The following TACC2 variants were observed in gnomAD, a reference collection of about 807,000 sequenced individuals.
TACC2 encodes transforming acidic coiled-coil containing protein 2, also known as transforming acidic coiled-coil-containing protein 2.
TACC2 carries 137 observed loss-of-function variants against 227.3 expected under a neutral mutation model. The ratio of observed to expected loss-of-function variants is 0.60; its 90% confidence interval spans 0.52 to 0.69. The LOEUF is 0.69. Among genes scored for constraint, TACC2 ranks in the 30% least tolerant of loss-of-function variants. TACC2 has a pLI of 0.00. For synonymous variants in TACC2, 1,523 were observed against 1,487.5 expected, an observed-to-expected ratio of 1.02 and a Z score of -0.55; for missense variants, 3,470 against 3,694.4, an observed-to-expected ratio of 0.94 and a Z score of 1.57.
chr10:122,174,374 C>T (rs925979222), intron 7 of TACC2, among the ~76,000 whole-genome samples: 1 of 152,198 alleles, frequency 6.6e-6, no homozygotes, highest in Admixed American at 6.5e-5. Flanking sequence ...CGCAGACCTG[C>T]CCTAGGTTTC....
In TACC2 at chr10:122,175,444, T is replaced by TCAGAAA. The variant is rs529097201; in HGVS notation, c.5835-19593_5835-19588dup. Among the ~76,000 whole-genome samples the TCAGAAA allele has an allele frequency of 2.2e-4, 33 of 152,330 alleles. No homozygotes were observed. In the South Asian group the frequency reaches 6.2e-3, roughly 29 times the overall value. Reference sequence around the variant, plus strand: ...AACCCCTTCATTCCCGTGCTAATCCTCAGAAACAAACCTGCCCAGACCCCG... The same window carrying TCAGAAA: ...AACCCCTTCATTCCCGTGCTAATCCTCAGAAACAGAAACAAACCTGCCCAGACCCCG... On this transcript the variant is annotated intron_variant, in intron 7 of 22. Coordinates refer to ENST00000369005, the MANE Select transcript of TACC2 (RefSeq NM_206862.4).
chr10:122,167,266 T>C (rs949018699), intron 7 of TACC2, among the ~76,000 whole-genome samples: 18 of 152,204 alleles, frequency 1.2e-4, no homozygotes, highest in African/African-American at 4.3e-4. Context: ...TGTAGACCTG[T>C]GGATCGAAGT....
chr10:122,232,728 G>T (rs1046001347), intron 16 of TACC2, among the ~76,000 whole-genome samples: 2 of 152,132 alleles, frequency 1.3e-5, no homozygotes, highest in African/African-American at 4.8e-5. Flanking sequence ...GTGGTCCACG[G>T]GCCTGACCTC....
intron 2 of TACC2, among the ~76,000 whole-genome samples, chr10:122,049,614 A>T (rs1465380590): frequency 2.6e-5 from 4 of 152,166 alleles, no homozygotes; most frequent in African/African-American, 9.7e-5. Context: ...CCGCTGGGGA[A>T]ACAAAATGAA....
rs115731728 is a variant in TACC2 at position 122,219,113 on chromosome 10, T to C, written c.7546+2285T>C. On this transcript the variant is annotated intron_variant, in intron 11 of 22. Transcript: ENST00000369005. Reference sequence around the variant, plus strand: ...TCAGCCTCCTTTGGATCCTTATTTCTCTCTGCACCTGCATCCGAGGCAGGA... The same window carrying C: ...TCAGCCTCCTTTGGATCCTTATTTCCCTCTGCACCTGCATCCGAGGCAGGA... 3.9e-3 allele frequency among the ~76,000 whole-genome samples: 599 copies of C among 151,818 alleles called. 6 individuals carry two copies. Among genetic ancestry groups the C allele is most frequent in the African/African-American group, 0.013 (528 of 41,346 alleles).
At chr10:122,245,564 G>A (rs922284782) in intron 19 of TACC2, among the ~76,000 whole-genome samples, 1 of 152,176 alleles carries the variant, frequency 6.6e-6, no homozygotes, top group Admixed American at 6.5e-5. Context: ...ATAAAAACAA[G>A]CATTTGATTA....
At chr10:122,127,114 T>C in intron 5 of TACC2, 1 of 168,664 alleles carries the variant, frequency 5.9e-6, no homozygotes, top group Non-Finnish European at 1.2e-5. Flanking sequence ...GCTGGTGCCT[T>C]GATCTTGGAC....
Position 122,158,908 on chromosome 10 carries a change from G to A in TACC2, c.5834+15202G>A, listed in dbSNP as rs138216202. Reference sequence around the variant, plus strand: ...CCTTCTCCCCATCCTCTGAGGTCTCGTGCGGCATGTGTTTATGGGGCTCTG... The same window carrying A: ...CCTTCTCCCCATCCTCTGAGGTCTCATGCGGCATGTGTTTATGGGGCTCTG... On this transcript the variant is annotated intron_variant, in intron 7 of 22. Coordinates refer to ENST00000369005, the MANE Select transcript of TACC2 (RefSeq NM_206862.4). 1.1e-4 allele frequency among the ~76,000 whole-genome samples: 16 copies of A among 152,292 alleles called. No individual in the cohort carries two copies. In the East Asian group the frequency reaches 2.5e-3, roughly 24 times the overall value.
At chr10:122,081,492 C>A (rs2079493781) in intron 3 of TACC2, among the ~76,000 whole-genome samples, 1 of 143,194 alleles carries the variant, frequency 7.0e-6, no homozygotes. Context: ...CGCACCACTG[C>A]ACTCCAGCCT....
At chr10:122,134,044 G>A (rs1282215346) in intron 6 of TACC2, among the ~76,000 whole-genome samples, 1 of 152,196 alleles carries the variant, frequency 6.6e-6, no homozygotes, top group Non-Finnish European at 1.5e-5. Flanking sequence ...GTACCTGGTG[G>A]GGGAGAAAGC....
intron 5 of TACC2, among the ~76,000 whole-genome samples, chr10:122,101,456 C>G (rs1022509219): frequency 1.3e-5 from 2 of 151,494 alleles, no homozygotes; most frequent in Non-Finnish European, 2.9e-5. Flanking sequence ...CAGGGTGGCT[C>G]ACACCTATAA....
chr10:122,236,555 C>G (rs2095859965), intron 16 of TACC2, among the ~76,000 whole-genome samples: 1 of 149,526 alleles, frequency 6.7e-6, no homozygotes, highest in African/African-American at 2.5e-5. Flanking sequence ...AATTGCCGAG[C>G]ATTTTGTGCA....
chr10:122,151,692 C>A (rs2092056180), intron 7 of TACC2, among the ~76,000 whole-genome samples: 1 of 152,018 alleles, frequency 6.6e-6, no homozygotes, highest in Admixed American at 6.6e-5. Context: ...GAGGAGAGGC[C>A]AGAGGTCAGA....
At position 122,201,076 on chromosome 10, in the gene TACC2, C is replaced by G. The variant is rs1053067160; in HGVS notation, c.5971+5900C>G. Among the ~76,000 whole-genome samples, 240 of 138,152 alleles carry G rather than the reference C, an allele frequency of 1.7e-3. 3 individuals carry two copies. Among genetic ancestry groups the G allele is most frequent in the African/African-American group, 7.4e-3 (224 of 30,442 alleles). 90.6% of individuals were successfully genotyped at this position (138,152 alleles called of 152,430 possible). On this transcript the variant is annotated intron_variant, in intron 8 of 22. Coordinates refer to ENST00000369005, the MANE Select transcript of TACC2 (RefSeq NM_206862.4). ...GGCCACATCTACAGTGAGAGGACGG[C>G]CACCTCACCTGCCCACAGTGGCCAC...
chr10:122,149,402 A>T (rs2091785561), intron 7 of TACC2, among the ~76,000 whole-genome samples: 1 of 152,204 alleles, frequency 6.6e-6, no homozygotes. Context: ...CAGGAGGCCC[A>T]GGAGACACCC....
chr10:122,001,539 A>G (rs1361135290), intron 1 of TACC2, among the ~76,000 whole-genome samples: 1 of 152,242 alleles, frequency 6.6e-6, no homozygotes, highest in African/African-American at 2.4e-5. Flanking sequence ...CAACAAAGCC[A>G]CACCATATCA....
chr10:122,064,731 T>C (rs1187109341), intron 3 of TACC2, among the ~76,000 whole-genome samples: 1 of 152,200 alleles, frequency 6.6e-6, no homozygotes, highest in Non-Finnish European at 1.5e-5. Context: ...CCCCTTAGGC[T>C]CCACCCATTC....
chr10:122,160,843 AG>A (rs2092776569), intron 7 of TACC2, among the ~76,000 whole-genome samples: 1 of 152,212 alleles, frequency 6.6e-6, no homozygotes, highest in Admixed American at 6.5e-5. Context: ...GTCTTCAATG[AG>A]GGTCTGAGAG....
chr10:122,197,518 G>A (rs1161936292), intron 8 of TACC2, among the ~76,000 whole-genome samples: 1 of 152,134 alleles, frequency 6.6e-6, no homozygotes, highest in East Asian at 1.9e-4. Flanking sequence ...AAACGAACAC[G>A]CACAACATCC....
Sources: allele counts gnomAD v4.1 joint callset (sites outside exome capture counted in the v4.1 genomes callset), GRCh38; gene constraint gnomAD v4.1.1; transcripts MANE v1.5; gene names NCBI Gene and HGNC (gene_info 2026-07-23, HGNC 2026-07-21).